NFIA: variants seen among roughly 807,000 people sequenced by gnomAD.
The protein encoded by NFIA is nuclear factor I A, also known as nuclear factor 1 A-type.
NFIA carries 8 observed loss-of-function variants against 62.8 expected under a neutral mutation model. The observed-to-expected ratio is 0.13, with a 90% CI of 0.07 to 0.23. NFIA has a LOEUF of 0.23. Among genes scored for constraint, NFIA ranks in the 10% least tolerant of loss-of-function variants. The probability of loss-of-function intolerance (pLI) is 1.00; values close to 1 mark genes in which losing one functional copy is unlikely to be tolerated. For synonymous variants in NFIA, 235 were observed against 238.1 expected (o/e 0.99, Z 0.12); for missense variants, 410 against 642.1 (o/e 0.64, Z 3.91).
intron 6 of NFIA, among the ~76,000 whole-genome samples, chr1:61,377,785 C>T (rs936891628): frequency 2.0e-5 from 3 of 152,092 alleles, no homozygotes; most frequent in Non-Finnish European, 4.4e-5. Flanking sequence ...TCCTGCTGTC[C>T]CGAGCAGCAC....
At position 61,210,296 on chromosome 1, in the gene NFIA, G is replaced by A. The variant is rs184211083; in HGVS notation, c.560-67224G>A. Reference sequence around the variant, plus strand: ...ATTGCCCCTGTGATAGGTAGCAAAGGTGATGAAACAACCCAATTTTGCTGT... The same window carrying A: ...ATTGCCCCTGTGATAGGTAGCAAAGATGATGAAACAACCCAATTTTGCTGT... On this transcript the variant is annotated intron_variant, in intron 2 of 10. Transcript: ENST00000403491. 1.9e-3 allele frequency among the ~76,000 whole-genome samples: 283 copies of A among 152,276 alleles called. 2 individuals are homozygous for A. The highest frequency in any genetic ancestry group is 0.011 in the South Asian group (52 of 4,826).
At position 61,163,564 on chromosome 1, in the gene NFIA, T is replaced by C. The variant is rs144601694; in HGVS notation, c.559+74884T>C. 2.4e-3 allele frequency among the ~76,000 whole-genome samples: 362 copies of C among 152,312 alleles called. 1 individual carries two copies. Among genetic ancestry groups the C allele is most frequent in the African/African-American group, 8.3e-3 (345 of 41,566 alleles). ...GTCACCATGATATTGTTTTTAGACC[T>C]AACTAGTATTGCATCATTCTTTGGT... On this transcript the variant is annotated intron_variant, in intron 2 of 10. Coordinates refer to ENST00000403491, the MANE Select transcript of NFIA (RefSeq NM_001134673.4).
intron 2 of NFIA, among the ~76,000 whole-genome samples, chr1:61,246,933 T>C (rs543483378): frequency 1.3e-5 from 2 of 152,336 alleles, no homozygotes; most frequent in South Asian, 4.1e-4. Context: ...TGCTCAAGAA[T>C]CCTGAACTCA....
At chr1:61,182,471 A>G (rs949459060) in intron 2 of NFIA, among the ~76,000 whole-genome samples, 1 of 152,258 alleles carries the variant, frequency 6.6e-6, no homozygotes, top group Non-Finnish European at 1.5e-5. Flanking sequence ...TAGCTTTGCA[A>G]CAAATTCAAC....
intron 2 of NFIA, among the ~76,000 whole-genome samples, chr1:61,195,883 A>G (rs1651955728): frequency 6.6e-6 from 1 of 152,190 alleles, no homozygotes; most frequent in African/African-American, 2.4e-5. Flanking sequence ...AAGAAAGCAG[A>G]GTAAAATACT....
intron 7 of NFIA, among the ~76,000 whole-genome samples, chr1:61,393,244 CCT>C (rs766730638): frequency 0.095 from 2,765 of 29,132 alleles, 340 homozygotes; most frequent in Non-Finnish European, 0.12. Context: ...TCGCCCTCTC[CCT>C]CTCTCTCTCT....
chr1:61,219,724 A>AAAAAAGAG (rs1653896404), intron 2 of NFIA, among the ~76,000 whole-genome samples: 1 of 151,296 alleles, frequency 6.6e-6, no homozygotes, highest in African/African-American at 2.4e-5. Context: ...AAAAAAAAAA[A>AAAAAAGAG]AAGAAAAAAG....
At chr1:61,332,651 G>C (rs1338465406) in intron 4 of NFIA, 65 bp downstream of exon 4, 4 of 1,311,440 alleles carry the variant, frequency 3.1e-6, no homozygotes, top group Non-Finnish European at 4.3e-6. Context: ...TTCTGCCTAG[G>C]ACTCCTAGAG....
chr1:61,414,541 G>T (rs201650337), intron 9 of NFIA, among the ~76,000 whole-genome samples: 31 of 146,752 alleles, frequency 2.1e-4, no homozygotes, highest in Admixed American at 6.1e-4. Context: ...TTTTTGTTTT[G>T]TTTTTTTTTT....
chr1:61,309,309 G>A (rs866695778), intron 3 of NFIA, among the ~76,000 whole-genome samples: 3 of 151,912 alleles, frequency 2.0e-5, no homozygotes, highest in Admixed American at 6.6e-5. Flanking sequence ...GTCAGTACTC[G>A]TTATCTTTAA....
chr1:61,193,346 T>C (rs949859690), intron 2 of NFIA, among the ~76,000 whole-genome samples: 4 of 152,236 alleles, frequency 2.6e-5, no homozygotes. Flanking sequence ...GAAGGATCTT[T>C]TGTTTGCGTG....
upstream of NFIA, chr1:61,082,060 C>G (rs1478651576): frequency 3.2e-6 from 5 of 1,544,170 alleles, no homozygotes; most frequent in Admixed American, 9.9e-5. Flanking sequence ...CCGCGGAGGT[C>G]TGCAGCGGGG....
At chr1:61,267,970 A>C (rs1474527701) in intron 2 of NFIA, among the ~76,000 whole-genome samples, 1 of 152,200 alleles carries the variant, frequency 6.6e-6, no homozygotes, top group Non-Finnish European at 1.5e-5. Context: ...TAAATCAAAA[A>C]ACCTGTGTTG....
intron 5 of NFIA, among the ~76,000 whole-genome samples, chr1:61,358,701 T>C (rs979873246): frequency 2.6e-5 from 4 of 152,284 alleles, no homozygotes; most frequent in African/African-American, 9.6e-5. Context: ...TCCAAGCTTT[T>C]CCTGAAGGAT....
chr1:61,249,431 A>G (rs1242411736), intron 2 of NFIA, among the ~76,000 whole-genome samples: 1 of 152,228 alleles, frequency 6.6e-6, no homozygotes, highest in African/African-American at 2.4e-5. Context: ...TACGCTTAAC[A>G]TGGGTATTTG....
In NFIA at chr1:61,457,904, A is replaced by G. The variant is rs1351257951; in HGVS notation, c.*2584A>G. On this transcript the variant is annotated 3_prime_UTR_variant, in exon 11 of 11. Coordinates refer to ENST00000403491, the MANE Select transcript of NFIA (RefSeq NM_001134673.4). This position sits in a 1 kb window ranked among gnomAD's most constrained non-coding sequence, Gnocchi z 4.2. ...CATTTTTCTTAGCAGACTGCAGTCA[A>G]TCCACATTCAATAAAAAGTATATAA... 1 of 152,086 alleles carries G rather than the reference A, an allele frequency of 6.6e-6. No homozygotes were observed. The highest frequency in any genetic ancestry group is 1.9e-4 in the East Asian group (1 of 5,196). The allele number at this position is 152,086 out of a possible 1,614,324, so 9.4% of individuals were successfully genotyped here. A position where few individuals can be genotyped will look rare whatever the true frequency, so the allele number is the denominator to read the frequency against.
chr1:61,199,082 C>T (rs1158498400), intron 2 of NFIA, among the ~76,000 whole-genome samples: 2 of 152,262 alleles, frequency 1.3e-5, no homozygotes, highest in African/African-American at 4.8e-5. Context: ...TGTGAAGAAA[C>T]GTGGCTGGTA....
Position 61,383,417 on chromosome 1 carries a change from C to T in NFIA, c.1075+52C>T. ...TTGTGCTTATATCATGGCCTTTGGA[C>T]CCAAGTAGCAAAATGAGAAACAATG... On this transcript the variant is annotated intron_variant, in intron 7 of 10. Coordinates refer to ENST00000403491, the MANE Select transcript of NFIA (RefSeq NM_001134673.4). The T allele has an allele frequency of 2.5e-6, 4 of 1,601,056 alleles. No homozygotes were observed. The South Asian group carries it at 3.3e-5, about 13-fold the overall frequency.
intron 2 of NFIA, among the ~76,000 whole-genome samples, chr1:61,113,802 C>T (rs1646749799): frequency 6.6e-6 from 1 of 151,990 alleles, no homozygotes; most frequent in South Asian, 2.1e-4. Context: ...GCTGCAGAAG[C>T]AGACATATGC....
Sources: gnomAD v4.1 joint callset for allele counts (sites outside exome capture counted in the v4.1 genomes callset) on GRCh38, gnomAD v4.1.1 for gene constraint, Gnocchi (gnomAD v3.1) non-coding constraint, MANE v1.5 for transcripts, NCBI Gene and HGNC (gene_info 2026-07-23, HGNC 2026-07-21) for gene names.